MYRF: variants seen among roughly 807,000 people sequenced by gnomAD.
MYRF encodes myelin gene regulatory factor.
A neutral mutation model predicts 126.3 loss-of-function variants in MYRF; 16 were observed. The observed-to-expected ratio is 0.13, with a 90% CI of 0.09 to 0.19. The LOEUF is 0.19. MYRF is among the 10% of genes least tolerant of loss of function. MYRF has a pLI of 1.00. For missense variants in MYRF, 1,104 were observed against 1,547.0 expected, an observed-to-expected ratio of 0.71 and a Z score of 4.80; for synonymous variants, 608 against 635.3, an observed-to-expected ratio of 0.96 and a Z score of 0.65.
intron 19 of MYRF, 52 bp from the exon 20 acceptor site, chr11:61,780,908 T>C: frequency 6.2e-7 from 1 of 1,601,152 alleles, no homozygotes; most frequent in Non-Finnish European, 8.5e-7. Context: ...TCAGGCCCTC[T>C]CCCCTCAAGC....
Position 61,779,265 on chromosome 11 carries a change from G to C in MYRF, c.2016G>C (p.Glu672Asp). 1 of 1,541,852 alleles carries C rather than the reference G, an allele frequency of 6.5e-7. No individual in the cohort carries two copies. The highest frequency in any genetic ancestry group is 2.4e-5 in the East Asian group (1 of 40,908). ...CCATGGCCCATGGCCCATGGCAGGA[G>C]CGCATCTTCATGGAGAACGTAGGGG... Reference protein sequence around the residue: ...TIENFLVVNKERIFMENVGAV... With the variant: ...TIENFLVVNKDRIFMENVGAV... Residue 672 changes from glutamate to aspartate, a missense_variant and splice_region_variant, in exon 15 of 27, where the codon GAG becomes GAC. Physicochemically the swap from Glu to Asp is conservative, Grantham distance 45. Transcript: ENST00000278836.
chr11:61,756,246 G>A (rs2065749480), intron 1 of MYRF, among the ~76,000 whole-genome samples: 1 of 152,120 alleles, frequency 6.6e-6, no homozygotes, highest in Non-Finnish European at 1.5e-5. Context: ...GAGTTGGCCA[G>A]AGTTAGCCAG....
intron 26 of MYRF, 73 bp from the exon 27 acceptor site, chr11:61,785,990 C>T: frequency 6.4e-7 from 1 of 1,556,252 alleles, no homozygotes; most frequent in Non-Finnish European, 8.9e-7. Flanking sequence ...CAGTGTCAAG[C>T]AATGTCAGCA....
rs1346779373 is a variant in MYRF at position 61,776,018 on chromosome 11, GC to G, written c.1312-34del. 3.1e-6 allele frequency: 5 copies of G among 1,604,214 alleles called. No homozygotes were observed. Among genetic ancestry groups the G allele is most frequent in the Non-Finnish European group, 4.3e-6 (5 of 1,171,502 alleles). ...GCAGGAGGGCAGGACCAGCCGGGTAGCCCCATCCTGAGGTGCCACTGGCTTC... is the reference window on the plus strand; with the variant it reads ...GCAGGAGGGCAGGACCAGCCGGGTAGCCCATCCTGAGGTGCCACTGGCTTC... On this transcript the variant is annotated intron_variant, in intron 8 of 26. Transcript: ENST00000278836. This position sits in a 1 kb window ranked among gnomAD's most constrained non-coding sequence, Gnocchi z 4.3.
At chr11:61,784,456 A>G (rs1430980080) in intron 25 of MYRF, 71 bp downstream of exon 25, 1 of 1,252,436 alleles carries the variant, frequency 8.0e-7, no homozygotes, top group Non-Finnish European at 1.1e-6. Flanking sequence ...CTGGGCCCCA[A>G]AATGGGCAAG....
At chr11:61,764,148 G>C (rs959918433) in intron 1 of MYRF, among the ~76,000 whole-genome samples, 1 of 152,176 alleles carries the variant, frequency 6.6e-6, no homozygotes, top group Non-Finnish European at 1.5e-5. Context: ...CAGCAGGAGG[G>C]CCCTGGCCTG....
chr11:61,774,249 A>G (rs2066311065), intron 8 of MYRF, 87 bp downstream of exon 8: 1 of 1,279,558 alleles, frequency 7.8e-7, no homozygotes, highest in Non-Finnish European at 1.1e-6. Flanking sequence ...CGTTGGCTGG[A>G]TGCTGTGGCT....
At chr11:61,775,807 G>A (rs1648889141) in intron 8 of MYRF, among the ~76,000 whole-genome samples, 1 of 151,582 alleles carries the variant, frequency 6.6e-6, no homozygotes, top group African/African-American at 2.4e-5. Context: ...GTGACTGCAT[G>A]CGTAGCTGTG....
Position 61,770,116 on chromosome 11 carries a change from T to C in MYRF, c.461-130T>C, listed in dbSNP as rs975563782. The C allele has an allele frequency of 7.8e-6, 7 of 894,384 alleles. No homozygotes were observed. In the African/African-American group the frequency reaches 8.7e-5, roughly 11 times the overall value. The allele number at this position is 894,384 out of a possible 1,614,324, so 55.4% of individuals were successfully genotyped here. A position where few individuals can be genotyped will look rare whatever the true frequency, so the allele number is the denominator to read the frequency against. On this transcript the variant is annotated intron_variant, in intron 4 of 26. Coordinates refer to ENST00000278836, the MANE Select transcript of MYRF (RefSeq NM_001127392.3). ...TGACCAACGGCCCTCCCACCTAGGGTAGGTGGGGGGCAGCCCCCGGGCTTG... is the reference window on the plus strand; with the variant it reads ...TGACCAACGGCCCTCCCACCTAGGGCAGGTGGGGGGCAGCCCCCGGGCTTG...
chr11:61,776,487 A>G lies in MYRF; in HGVS notation c.1499+55A>G. 6.7e-7 allele frequency: 1 copy of G among 1,490,966 alleles called. No individual in the cohort carries two copies. Among genetic ancestry groups the G allele is most frequent in the Non-Finnish European group, 9.2e-7 (1 of 1,084,096 alleles). 92.4% of individuals were successfully genotyped at this position (1,490,966 alleles called of 1,614,324 possible). A position where few individuals can be genotyped will look rare whatever the true frequency, so the allele number is the denominator to read the frequency against. ...CCCTCCATTTCTGAGGCAGGAAGAC[A>G]CTGCCCTGGGTGGCACACCAGGCAC... On this transcript the variant is annotated intron_variant, in intron 10 of 26. Coordinates refer to ENST00000278836, the MANE Select transcript of MYRF (RefSeq NM_001127392.3). The surrounding 1 kb of genome is among the most constrained non-coding windows in gnomAD (Gnocchi z 4.3).
chr11:61,764,239 G>T (rs2065986360), intron 1 of MYRF, among the ~76,000 whole-genome samples: 1 of 152,228 alleles, frequency 6.6e-6, no homozygotes. Context: ...TGAAATGCCG[G>T]CTGAGGCCAG....
chr11:61,785,518 G>T (rs1324689178), intron 25 of MYRF: 1 of 511,940 alleles, frequency 2.0e-6, no homozygotes, highest in Non-Finnish European at 3.6e-6. Flanking sequence ...TGTGCCCAGA[G>T]CATAGTGGGT....
At chr11:61,773,179 G>A (rs562057251) in intron 7 of MYRF, among the ~76,000 whole-genome samples, 7 of 152,128 alleles carry the variant, frequency 4.6e-5, no homozygotes, top group South Asian at 2.1e-4. Context: ...TAGTAGAGGC[G>A]GGGTTTCACC....
intron 7 of MYRF, 135 bp from the exon 8 acceptor site, chr11:61,773,832 G>A: frequency 2.9e-6 from 2 of 687,374 alleles, no homozygotes; most frequent in South Asian, 3.8e-5. Flanking sequence ...TCAGGAGTGG[G>A]GGCAGCCGCA....
chr11:61,774,210 G>A (rs1366659208), intron 8 of MYRF, 48 bp downstream of exon 8: 7 of 1,525,140 alleles, frequency 4.6e-6, no homozygotes, highest in Non-Finnish European at 5.3e-6. Context: ...GGCCCTTTGG[G>A]GGCACTGAAA....
rs766408807 is a variant in MYRF, at chr11:61,755,667, CT to C, written c.46+2878del. 121 of 711,488 alleles carry C rather than the reference CT, an allele frequency of 1.7e-4. No individual in the cohort carries two copies. The South Asian group carries it at 1.8e-3, about 10-fold the overall frequency. The allele number at this position is 711,488 out of a possible 1,614,324, so 44.1% of individuals were successfully genotyped here. A position where few individuals can be genotyped will look rare whatever the true frequency, so the allele number is the denominator to read the frequency against. On this transcript the variant is annotated intron_variant, in intron 1 of 26. Coordinates refer to ENST00000278836, the MANE Select transcript of MYRF (RefSeq NM_001127392.3). ...ACAGGAGGGGGTGGCAGAGAAGAACCTCAGCTCTGAAGAAGCTCACTGCCCA... is the reference window on the plus strand; with the variant it reads ...ACAGGAGGGGGTGGCAGAGAAGAACCCAGCTCTGAAGAAGCTCACTGCCCA...
chr11:61,755,860 A>C (rs2065736943), intron 1 of MYRF, among the ~76,000 whole-genome samples: 1 of 152,204 alleles, frequency 6.6e-6, no homozygotes, highest in Admixed American at 6.5e-5. Context: ...GTCGCCTTCC[A>C]GCAGGTGCTG....
chr11:61,771,397 A>G, intron 5 of MYRF, 103 bp from the exon 6 acceptor site: 1 of 1,482,656 alleles, frequency 6.7e-7, no homozygotes, highest in Non-Finnish European at 9.0e-7. Flanking sequence ...GGCGGGGCAC[A>G]TCCTGGCCCA....
chr11:61,757,567 G>A lies in MYRF; in HGVS notation c.46+4777G>A. On this transcript the variant is annotated intron_variant, in intron 1 of 26. Coordinates refer to ENST00000278836, the MANE Select transcript of MYRF (RefSeq NM_001127392.3). The surrounding 1 kb of genome is among the most constrained non-coding windows in gnomAD (Gnocchi z 4.7). ...TGTTGAGCATGTTCTGTGGTTCTGT[G>A]TGCAAGGCCTGAACCATGACAGCTC... The A allele has an allele frequency of 2.2e-6, 1 of 456,504 alleles. No homozygotes were observed. The highest frequency in any genetic ancestry group is 1.5e-5 in the South Asian group (1 of 64,544). The allele number at this position is 456,504 out of a possible 1,614,324, so 28.3% of individuals were successfully genotyped here.
Sources: allele counts gnomAD v4.1 joint callset (sites outside exome capture counted in the v4.1 genomes callset), GRCh38; gene constraint gnomAD v4.1.1; non-coding constraint Gnocchi (gnomAD v3.1); transcripts MANE v1.5; gene names NCBI Gene and HGNC (gene_info 2026-07-23, HGNC 2026-07-21).